APLF: variants seen among roughly 807,000 people sequenced by gnomAD.
The protein encoded by APLF is aprataxin and PNK-like factor.
Under a neutral mutation model 55.6 loss-of-function variants are expected in APLF, and 61 were observed. The observed-to-expected ratio is 1.10, with a 90% CI of 0.89 to 1.36. APLF has a LOEUF of 1.36. APLF is among the 40% of genes most tolerant of loss of function. The pLI, the probability that APLF is intolerant of heterozygous loss-of-function variation, is 0.00. For missense variants in APLF, 611 were observed against 602.5 expected, an observed-to-expected ratio of 1.01 and a Z score of -0.15; for synonymous variants, 207 against 214.8, an observed-to-expected ratio of 0.96 and a Z score of 0.32.
intron 3 of APLF, among the ~76,000 whole-genome samples, chr2:68,511,582 C>G (rs1416849851): frequency 2.0e-5 from 3 of 151,554 alleles, no homozygotes; most frequent in Non-Finnish European, 4.4e-5. Context: ...TACTTAATTC[C>G]TAATACTATA....
At chr2:68,486,319 T>C (rs1676173294) in intron 1 of APLF, among the ~76,000 whole-genome samples, 1 of 152,184 alleles carries the variant, frequency 6.6e-6, no homozygotes, top group Admixed American at 6.5e-5. Flanking sequence ...TTCTTCCAAG[T>C]GTCCTCCTTC....
intron 3 of APLF, among the ~76,000 whole-genome samples, chr2:68,511,454 G>T (rs945240087): frequency 6.6e-6 from 1 of 151,294 alleles, no homozygotes; most frequent in Admixed American, 6.6e-5. Context: ...AATTTTTTTT[G>T]TTACGTTTAT....
At chr2:68,503,668 A>G (rs1272202961) in intron 3 of APLF, among the ~76,000 whole-genome samples, 1 of 152,108 alleles carries the variant, frequency 6.6e-6, no homozygotes, top group Non-Finnish European at 1.5e-5. Context: ...ACAGAGTGAT[A>G]CTGAAAACAG....
chr2:68,505,495 T>C (rs1439380778), intron 3 of APLF, among the ~76,000 whole-genome samples: 1 of 152,086 alleles, frequency 6.6e-6, no homozygotes, highest in Non-Finnish European at 1.5e-5. Flanking sequence ...TTTTTCGTAT[T>C]GATGAAACTG....
chr2:68,488,475 T>C (rs1454619812), intron 1 of APLF, among the ~76,000 whole-genome samples: 1 of 151,794 alleles, frequency 6.6e-6, no homozygotes, highest in Non-Finnish European at 1.5e-5. Flanking sequence ...TATTTGGGAC[T>C]ATAGGCACAT....
chr2:68,494,277 CAAAAAAAAAAA>C (rs59466460), intron 2 of APLF, among the ~76,000 whole-genome samples: 1,381 of 49,666 alleles, frequency 0.028, 39 homozygotes, highest in African/African-American at 0.082. Context: ...GACCCCGTCT[CAAAAAAAAAAA>C]AAAAAAAAAA....
rs538673195 is a variant in APLF at position 68,491,727 on chromosome 2, G to A, written c.168+1466G>A. ...TGAGCTTTTAGTGTAACCGTCACCT[G>A]AATAGTGTACATTGTACCCATTAGG... On this transcript the variant is annotated intron_variant, in intron 2 of 9. Coordinates refer to ENST00000303795, the MANE Select transcript of APLF (RefSeq NM_173545.3). 3.3e-4 allele frequency among the ~76,000 whole-genome samples: 51 copies of A among 152,298 alleles called. No individual in the cohort carries two copies. The South Asian group carries it at 0.01, about 30-fold the overall frequency.
At chr2:68,553,091 C>T (rs1369428104) in intron 8 of APLF, among the ~76,000 whole-genome samples, 1 of 152,056 alleles carries the variant, frequency 6.6e-6, no homozygotes, top group East Asian at 1.9e-4. Flanking sequence ...CTTCCCTCCT[C>T]GAGACCAGAA....
At chr2:68,556,246 G>T (rs1671005436) in intron 8 of APLF, among the ~76,000 whole-genome samples, 1 of 152,186 alleles carries the variant, frequency 6.6e-6, no homozygotes, top group Non-Finnish European at 1.5e-5. Flanking sequence ...CAAATTGGGT[G>T]CAGTGTATGC....
chr2:68,539,014 G>C (rs1455203235), intron 7 of APLF, among the ~76,000 whole-genome samples: 2 of 152,088 alleles, frequency 1.3e-5, no homozygotes, highest in Admixed American at 1.3e-4. Context: ...CTAGAAGATA[G>C]ATATCTTTAT....
At chr2:68,469,006 G>GTGTA (rs1216922242) in intron 1 of APLF, among the ~76,000 whole-genome samples, 1 of 147,638 alleles carries the variant, frequency 6.8e-6, no homozygotes, top group Non-Finnish European at 1.5e-5. Context: ...GTGTGTGTGT[G>GTGTA]TGTGTGTGTG....
At chr2:68,519,031 G>GTT (rs1558540185) in intron 5 of APLF, among the ~76,000 whole-genome samples, 1 of 105,804 alleles carries the variant, frequency 9.5e-6, no homozygotes, top group Non-Finnish European at 1.7e-5. Context: ...TATAATATAT[G>GTT]ATTAATATAT....
chr2:68,493,846 C>T (rs184832464), intron 2 of APLF, among the ~76,000 whole-genome samples: 2,656 of 152,138 alleles, frequency 0.017, 44 homozygotes, highest in Non-Finnish European at 0.026. Context: ...CGGTGGCTCA[C>T]GCCTGTAATC....
intron 2 of APLF, among the ~76,000 whole-genome samples, chr2:68,498,844 T>C (rs916116394): frequency 6.6e-6 from 1 of 152,220 alleles, no homozygotes; most frequent in African/African-American, 2.4e-5. Context: ...GCAGTTTTTC[T>C]TTTTTGCCTT....
At position 68,490,172 on chromosome 2, in the gene APLF, A is replaced by G. The variant is rs753161870; in HGVS notation, c.97-18A>G. 2 of 1,558,668 alleles carry G rather than the reference A, an allele frequency of 1.3e-6. No homozygotes were observed. Among genetic ancestry groups the G allele is most frequent in the African/African-American group, 2.8e-5 (2 of 72,136 alleles). On this transcript the variant is annotated intron_variant, in intron 1 of 9. Coordinates refer to ENST00000303795, the MANE Select transcript of APLF (RefSeq NM_173545.3). ...AGGAGGTGGCTATTCTTAATCTTTTAATTTTTTTACTGTATAGATAACAGA... is the reference window on the plus strand; with the variant it reads ...AGGAGGTGGCTATTCTTAATCTTTTGATTTTTTTACTGTATAGATAACAGA...
At chr2:68,527,244 C>A (rs1193774669) in intron 6 of APLF, among the ~76,000 whole-genome samples, 7 of 148,872 alleles carry the variant, frequency 4.7e-5, no homozygotes, top group Admixed American at 4.7e-4. Context: ...CTTCTCATTT[C>A]CCAGACGGTG....
chr2:68,522,701 G>A (rs891009674), intron 5 of APLF, among the ~76,000 whole-genome samples: 1 of 151,836 alleles, frequency 6.6e-6, no homozygotes, highest in African/African-American at 2.4e-5. Context: ...CCCAGAAACA[G>A]ATAAGAAAAA....
intron 9 of APLF, among the ~76,000 whole-genome samples, chr2:68,574,486 G>T (rs1295337495): frequency 6.6e-6 from 1 of 152,186 alleles, no homozygotes; most frequent in Non-Finnish European, 1.5e-5. Flanking sequence ...CTCATGTCAT[G>T]ACTTGGCTCT....
At chr2:68,567,496 A>G in intron 9 of APLF, 109 bp downstream of exon 9, 1 of 838,806 alleles carries the variant, frequency 1.2e-6, no homozygotes, top group South Asian at 1.9e-5. Context: ...GCTTCTGTGA[A>G]TTTGTTGAAT....
Sources: gnomAD v4.1 joint callset for allele counts (sites outside exome capture counted in the v4.1 genomes callset) on GRCh38, gnomAD v4.1.1 for gene constraint, MANE v1.5 for transcripts, NCBI Gene and HGNC (gene_info 2026-07-23, HGNC 2026-07-21) for gene names.